EPHB2: variants seen among roughly 807,000 people sequenced by gnomAD.
EPHB2 encodes the protein EPH receptor B2.
A neutral mutation model predicts 96.4 loss-of-function variants in EPHB2; 18 were observed. The observed-to-expected ratio is 0.19, with a 90% CI of 0.13 to 0.28. EPHB2 has a LOEUF of 0.28. Among genes scored for constraint, EPHB2 ranks in the 10% least tolerant of loss-of-function variants. The pLI is 1.00. For missense variants in EPHB2, 989 were observed against 1,355.4 expected, an observed-to-expected ratio of 0.73 and a Z score of 4.25; for synonymous variants, 506 against 534.1, an observed-to-expected ratio of 0.95 and a Z score of 0.72.
At chr1:22,815,242 C>T (rs890594917) in intron 3 of EPHB2, among the ~76,000 whole-genome samples, 3 of 151,822 alleles carry the variant, frequency 2.0e-5, no homozygotes, top group Admixed American at 6.6e-5. Context: ...GGAATCAGGA[C>T]AGGCTAGAGA....
In EPHB2 at chr1:22,895,498, A is replaced by G. The variant is rs770385181; in HGVS notation, c.1618A>G (p.Lys540Glu). 1 of 1,614,174 alleles carries G rather than the reference A, an allele frequency of 6.2e-7. No individual in the cohort carries two copies. Among genetic ancestry groups the G allele is most frequent in the Non-Finnish European group, 8.5e-7 (1 of 1,180,032 alleles). ...EAEYQTSIQE[K>E]LPLIIGSSAA... ...CGAGTACCAGACAAGCATCCAGGAG[A>G]AGTTGCCACTCATCATCGGCTCCTC... The change falls in exon 8 of 16, where the codon AAG becomes GAG. Residue 540 changes from lysine to glutamate, a missense_variant. Physicochemically the swap from Lys to Glu is moderately conservative, Grantham distance 56. Coordinates refer to ENST00000374630, the MANE Select transcript of EPHB2 (RefSeq NM_017449.5).
intron 3 of EPHB2, among the ~76,000 whole-genome samples, chr1:22,794,920 T>C (rs1052441032): frequency 6.6e-6 from 1 of 152,184 alleles, no homozygotes; most frequent in Non-Finnish European, 1.5e-5. Context: ...GAGAGGCCCG[T>C]TGATTGAGGA....
At chr1:22,713,299 C>T (rs1049398991) in intron 1 of EPHB2, among the ~76,000 whole-genome samples, 1 of 152,198 alleles carries the variant, frequency 6.6e-6, no homozygotes. Context: ...GGTCAGAGGG[C>T]CTGCTTCTCA....
At chr1:22,752,457 G>T (rs1644078135) in intron 1 of EPHB2, among the ~76,000 whole-genome samples, 3 of 150,998 alleles carry the variant, frequency 2.0e-5, no homozygotes, top group African/African-American at 7.3e-5. Context: ...CTCCAGCCTG[G>T]GTTACAGAGT....
intron 14 of EPHB2, among the ~76,000 whole-genome samples, chr1:22,911,302 C>T (rs559328784): frequency 6.6e-6 from 1 of 152,288 alleles, no homozygotes; most frequent in East Asian, 1.9e-4. Context: ...TCATCACACA[C>T]ATGCTAACAC....
chr1:22,812,841 A>G (rs1645022363), intron 3 of EPHB2, among the ~76,000 whole-genome samples: 1 of 152,122 alleles, frequency 6.6e-6, no homozygotes, highest in Non-Finnish European at 1.5e-5. Flanking sequence ...CAGGAGTTTG[A>G]TGAGTGTTGG....
intron 3 of EPHB2, among the ~76,000 whole-genome samples, chr1:22,800,982 G>A (rs1204723356): frequency 6.6e-6 from 1 of 152,204 alleles, no homozygotes; most frequent in Non-Finnish European, 1.5e-5. Context: ...TCCTCCACCG[G>A]TTGTGCCTGC....
chr1:22,828,554 C>T (rs906901154), intron 3 of EPHB2, among the ~76,000 whole-genome samples: 11 of 152,044 alleles, frequency 7.2e-5, no homozygotes, highest in South Asian at 4.2e-4. Flanking sequence ...ACTGATAGAA[C>T]GGTCAAGCAG....
At chr1:22,746,913 A>G (rs1348981068) in intron 1 of EPHB2, among the ~76,000 whole-genome samples, 1 of 152,082 alleles carries the variant, frequency 6.6e-6, no homozygotes, top group African/African-American at 2.4e-5. Flanking sequence ...TGCTTTCCCC[A>G]TTCCTGGAAG....
At chr1:22,741,834 C>A (rs1643908724) in intron 1 of EPHB2, among the ~76,000 whole-genome samples, 1 of 152,068 alleles carries the variant, frequency 6.6e-6, no homozygotes, top group Non-Finnish European at 1.5e-5. Context: ...CGGGGATGGG[C>A]TTTATTTTTC....
At chr1:22,886,807 G>C (rs1346085080) in intron 6 of EPHB2, among the ~76,000 whole-genome samples, 1 of 151,878 alleles carries the variant, frequency 6.6e-6, no homozygotes, top group Admixed American at 6.6e-5. Context: ...TGTATTTTAA[G>C]TAGAGACGGG....
chr1:22,871,463 T>G (rs1038615342), intron 5 of EPHB2, among the ~76,000 whole-genome samples: 7 of 152,178 alleles, frequency 4.6e-5, no homozygotes, highest in Non-Finnish European at 8.8e-5. Flanking sequence ...ACATGGCCCC[T>G]TCCAAGCTGT....
At chr1:22,747,473 G>T (rs572244134) in intron 1 of EPHB2, among the ~76,000 whole-genome samples, 1 of 152,342 alleles carries the variant, frequency 6.6e-6, no homozygotes, top group African/African-American at 2.4e-5. Context: ...TCCTGGTAGA[G>T]CAAATCGAGA....
intron 3 of EPHB2, among the ~76,000 whole-genome samples, chr1:22,862,020 G>A (rs1638274978): frequency 6.6e-6 from 1 of 152,230 alleles, no homozygotes; most frequent in Non-Finnish European, 1.5e-5. Flanking sequence ...TCTCTTCCAG[G>A]TATCATAGCA....
chr1:22,739,375 C>G (rs888114885), intron 1 of EPHB2, among the ~76,000 whole-genome samples: 2 of 152,262 alleles, frequency 1.3e-5, no homozygotes, highest in East Asian at 3.9e-4. Context: ...GCCAGCACGC[C>G]TGGCTAGTTT....
At position 22,784,259 on chromosome 1, in the gene EPHB2, T is replaced by C. The variant is rs1222441764; in HGVS notation, c.127-133T>C. 9.9e-6 allele frequency: 8 copies of C among 807,508 alleles called. No homozygotes were observed. The highest frequency in any genetic ancestry group is 8.5e-5 in the African/African-American group (5 of 58,976). 50.0% of individuals were successfully genotyped at this position (807,508 alleles called of 1,614,324 possible). ...TGATTGGCATGTCTCCCCCATCAGA[T>C]TGGGAATTCTCTGATGTCTTCACCA... On this transcript the variant is annotated intron_variant, in intron 2 of 15. Coordinates refer to ENST00000374630, the MANE Select transcript of EPHB2 (RefSeq NM_017449.5). This position sits in a 1 kb window ranked among gnomAD's most constrained non-coding sequence, Gnocchi z 5.1.
At chr1:22,719,354 A>G (rs947293531) in intron 1 of EPHB2, among the ~76,000 whole-genome samples, 1 of 152,174 alleles carries the variant, frequency 6.6e-6, no homozygotes, top group African/African-American at 2.4e-5. Flanking sequence ...TAGCTCATCT[A>G]TCCAGTTCAA....
rs116318162 is a variant in EPHB2, at chr1:22,865,639, A to G, written c.1303+427A>G. 6.4e-3 allele frequency among the ~76,000 whole-genome samples: 974 copies of G among 152,286 alleles called. 19 individuals are homozygous for G. The highest frequency in any genetic ancestry group is 0.022 in the African/African-American group (904 of 41,564). The stretch of plus-strand genomic sequence containing the variant: ...GTCTGTATGATTCAAGCTGAGTCTC[A>G]GGCATGTCTGTGCGAAGAGAGGGAA... On this transcript the variant is annotated intron_variant, in intron 5 of 15. Coordinates refer to ENST00000374630, the MANE Select transcript of EPHB2 (RefSeq NM_017449.5).
chr1:22,821,483 C>G (rs1039033569), intron 3 of EPHB2, among the ~76,000 whole-genome samples: 1 of 152,106 alleles, frequency 6.6e-6, no homozygotes, highest in Non-Finnish European at 1.5e-5. Context: ...AGAAAAGGAA[C>G]CTGAAGCCCA....
Sources: allele counts gnomAD v4.1 joint callset (sites outside exome capture counted in the v4.1 genomes callset), GRCh38; gene constraint gnomAD v4.1.1; non-coding constraint Gnocchi (gnomAD v3.1); transcripts MANE v1.5; gene names NCBI Gene and HGNC (gene_info 2026-07-23, HGNC 2026-07-21).